Variants in TXLNG observed in about 807,000 individuals in gnomAD.
TXLNG encodes the protein taxilin gamma.
A neutral mutation model predicts 38.8 loss-of-function variants in TXLNG; 5 were observed. The observed-to-expected ratio is 0.13, with a 90% CI of 0.07 to 0.27. The LOEUF (loss-of-function observed/expected upper bound fraction) is 0.27. Among genes scored for constraint, TXLNG ranks in the 10% least tolerant of loss-of-function variants. TXLNG has a pLI of 1.00. For synonymous variants in TXLNG, 182 were observed against 158.2 expected (o/e 1.15, Z -1.13); for missense variants, 393 against 398.2 (o/e 0.99, Z 0.11).
At chrX:16,806,489 C>T (rs1338943016) in intron 1 of TXLNG, among the ~76,000 whole-genome samples, 1 of 112,347 alleles carries the variant, frequency 8.9e-6, no homozygotes, top group Non-Finnish European at 1.9e-5. Context: ...TATCCTAAAA[C>T]ACAAAATTAA....
intron 1 of TXLNG, among the ~76,000 whole-genome samples, chrX:16,799,540 A>G (rs1050080159): frequency 2.7e-5 from 3 of 111,582 alleles, no homozygotes; most frequent in African/African-American, 9.8e-5. Context: ...TGGGAGGCCA[A>G]GGCGGGCGGA....
chrX:16,801,950 C>CTTTTT (rs56071399), intron 1 of TXLNG, among the ~76,000 whole-genome samples: 13 of 45,254 alleles, frequency 2.9e-4, no homozygotes, highest in Admixed American at 8.5e-4. Flanking sequence ...TTCTTTCTTT[C>CTTTTT]TTTTTTTTTT....
chrX:16,812,426 C>T lies in TXLNG; in HGVS notation c.103-6148C>T, dbSNP rs1177630896. Among the ~76,000 whole-genome samples the T allele has an allele frequency of 3.0e-5, 3 of 99,958 alleles. No homozygotes were observed. The Admixed American group carries it at 3.3e-4, about 11-fold the overall frequency. 86.8% of individuals were successfully genotyped at this position (99,958 alleles called of 115,157 possible). ...TTTTTTTTTTTGTGAGACAGAGTCT[C>T]ACTCTGTCCCAGGCTGGAATGCAGT... On this transcript the variant is annotated intron_variant, in intron 1 of 9. Coordinates refer to ENST00000380122, the MANE Select transcript of TXLNG (RefSeq NM_018360.3).
chrX:16,813,853 G>A (rs748617878), intron 1 of TXLNG, among the ~76,000 whole-genome samples: 12 of 111,082 alleles, frequency 1.1e-4, no homozygotes, highest in East Asian at 2.9e-4. Context: ...TTGGGAGGCC[G>A]AGGTGGTCGG....
At chrX:16,818,282 A>G (rs1320268447) in intron 1 of TXLNG, among the ~76,000 whole-genome samples, 1 of 111,477 alleles carries the variant, frequency 9.0e-6, no homozygotes, top group Non-Finnish European at 1.9e-5. Context: ...TTAAGGTGCT[A>G]ATTATGTTAA....
At chrX:16,838,680 G>T (rs1403680344) in intron 8 of TXLNG, among the ~76,000 whole-genome samples, 1 of 111,981 alleles carries the variant, frequency 8.9e-6, no homozygotes, top group Admixed American at 9.4e-5. Flanking sequence ...CAGCAGATTC[G>T]TTCTGCCTGC....
chrX:16,803,841 A>C (rs928756348), intron 1 of TXLNG, among the ~76,000 whole-genome samples: 1 of 109,502 alleles, frequency 9.1e-6, no homozygotes, highest in Non-Finnish European at 1.9e-5. Flanking sequence ...AATCTCAGCT[A>C]CTCGGAGGTC....
At chrX:16,792,213 T>C (rs1469892072) in intron 1 of TXLNG, among the ~76,000 whole-genome samples, 1 of 112,111 alleles carries the variant, frequency 8.9e-6, no homozygotes, top group Non-Finnish European at 1.9e-5. Context: ...AGATAAGGCA[T>C]CTGAGTCTTA....
At chrX:16,817,216 G>A (rs1191225044) in intron 1 of TXLNG, among the ~76,000 whole-genome samples, 2 of 111,897 alleles carry the variant, frequency 1.8e-5, no homozygotes, top group African/African-American at 6.5e-5. Context: ...ATTAGGAATA[G>A]TGCTCCTTTA....
Position 16,837,577 on chromosome X carries a change from A to C in TXLNG, c.1060-16A>C, listed in dbSNP as rs374435722. On this transcript the variant is annotated splice_polypyrimidine_tract_variant and intron_variant, in intron 7 of 9. Transcript: ENST00000380122. ...TTGCATGGAACTCAGAATGTTTCAT[A>C]CTTTTTTTCCTATAGCTTTCTCTTT... is the stretch of plus-strand genomic sequence containing the variant. The C allele has an allele frequency of 2.2e-5, 25 of 1,156,479 alleles. No individual in the cohort carries two copies. In the African/African-American group the frequency reaches 4.5e-4, roughly 21 times the overall value.
At chrX:16,799,843 C>G (rs1043092246) in intron 1 of TXLNG, among the ~76,000 whole-genome samples, 5 of 112,087 alleles carry the variant, frequency 4.5e-5, no homozygotes, top group African/African-American at 1.6e-4. Flanking sequence ...CAGAACTTAG[C>G]CTTGAAGGTA....
intron 1 of TXLNG, among the ~76,000 whole-genome samples, chrX:16,798,941 G>A (rs916476453): frequency 1.8e-5 from 2 of 108,246 alleles, no homozygotes; most frequent in African/African-American, 3.4e-5. Flanking sequence ...GTGCAATGGC[G>A]CAATCTCAGC....
rs770305051 is a variant in TXLNG at position 16,842,593 on chromosome X, T to G, written c.*827T>G. On this transcript the variant is annotated 3_prime_UTR_variant, in exon 10 of 10. Coordinates refer to ENST00000380122, the MANE Select transcript of TXLNG (RefSeq NM_018360.3). Reference sequence around the variant, plus strand: ...TATTCTTTGAAAACTGGTGTTCATGTTTGCCGTTCAATGAAGTCCCTTGTC... The same window carrying G: ...TATTCTTTGAAAACTGGTGTTCATGGTTGCCGTTCAATGAAGTCCCTTGTC... The G allele has an allele frequency of 2.7e-5, 3 of 112,194 alleles. No homozygotes were observed. In the South Asian group the frequency reaches 1.1e-3, roughly 41 times the overall value. The allele number at this position is 112,194 out of a possible 1,213,427, so 9.2% of individuals were successfully genotyped here. A position where few individuals can be genotyped will look rare whatever the true frequency, so the allele number is the denominator to read the frequency against.
chrX:16,803,867 G>A (rs942304714), intron 1 of TXLNG, among the ~76,000 whole-genome samples: 1 of 109,759 alleles, frequency 9.1e-6, no homozygotes, highest in Non-Finnish European at 1.9e-5. Flanking sequence ...CAGGAGAATC[G>A]CTTGAACCCG....
intron 7 of TXLNG, 59 bp from the exon 8 acceptor site, chrX:16,837,534 T>C (rs56299603): frequency 0.028 from 24,832 of 898,682 alleles, 328 homozygotes; most frequent in Non-Finnish European, 0.033. Context: ...CTTTTGAAAG[T>C]TTGGGAACTG....
intron 3 of TXLNG, among the ~76,000 whole-genome samples, chrX:16,821,626 C>G (rs1928960139): frequency 8.9e-6 from 1 of 112,644 alleles, no homozygotes; most frequent in Admixed American, 9.4e-5. Context: ...TATGCATCTT[C>G]ATCTGTTAAA....
intron 1 of TXLNG, among the ~76,000 whole-genome samples, chrX:16,805,222 ATCC>A (rs943914641): frequency 1.2e-4 from 13 of 107,606 alleles, no homozygotes; most frequent in African/African-American, 4.1e-4. Flanking sequence ...AGCTCAAGCA[ATCC>A]TCCTACCTCG....
In TXLNG at chrX:16,786,511, A is replaced by G. The variant is rs1470332207; in HGVS notation, c.24A>G (p.Ala8=). 9.0e-7 allele frequency: 1 copy of G among 1,111,131 alleles called. No homozygotes were observed. Among genetic ancestry groups the G allele is most frequent in the Non-Finnish European group, 1.2e-6 (1 of 848,838 alleles). 91.6% of individuals were successfully genotyped at this position (1,111,131 alleles called of 1,213,427 possible). A position where few individuals can be genotyped will look rare whatever the true frequency, so the allele number is the denominator to read the frequency against. ...TCATGGCGACGCGGGTAGAGGAGGC[A>G]GCGCGGGGAAGAGGCGGCGGCGCCG... MATRVEE[A]ARGRGGGAEE... The change falls in exon 1 of 10, where the codon GCA becomes GCG. Residue 8 remains alanine, a synonymous_variant. Transcript: ENST00000380122.
chrX:16,797,571 G>A (rs975247378), intron 1 of TXLNG, among the ~76,000 whole-genome samples: 6 of 112,514 alleles, frequency 5.3e-5, no homozygotes, highest in African/African-American at 1.9e-4. Flanking sequence ...GCAGTTGGCC[G>A]GAGGCCTTCC....
Sources: gnomAD v4.1 joint callset for allele counts (sites outside exome capture counted in the v4.1 genomes callset) on GRCh38, gnomAD v4.1.1 for gene constraint, MANE v1.5 for transcripts, NCBI Gene and HGNC (gene_info 2026-07-23, HGNC 2026-07-21) for gene names.